LINGO2: variants seen among roughly 807,000 people sequenced by gnomAD.
LINGO2 encodes leucine-rich repeat and immunoglobulin-like domain-containing nogo receptor-interacting protein 2.
LINGO2 carries 14 observed loss-of-function variants against 30.6 expected under a neutral mutation model. The ratio of observed to expected loss-of-function variants is 0.46; its 90% CI spans 0.30 to 0.72. The LOEUF (loss-of-function observed/expected upper bound fraction) is 0.72, where lower values mean the gene tolerates loss of function less well. LINGO2 is among the 30% of genes least tolerant of loss of function. The probability of loss-of-function intolerance (pLI) is 0.07; values close to 1 mark genes in which losing one functional copy is unlikely to be tolerated. For synonymous variants in LINGO2, 317 were observed against 288.5 expected (o/e 1.10, Z -1.00); for missense variants, 729 against 751.7 (o/e 0.97, Z 0.35).
At chr9:28,089,353 A>G (rs1826007501) in intron 4 of LINGO2, among the ~76,000 whole-genome samples, 1 of 152,222 alleles carries the variant, frequency 6.6e-6, no homozygotes, top group African/African-American at 2.4e-5. Context: ...AATAGAAATT[A>G]TAACAAACTG....
chr9:28,830,241 G>A, the LINGO2 span, among the ~76,000 whole-genome samples: 1 of 152,136 alleles, frequency 6.6e-6, no homozygotes, highest in South Asian at 2.1e-4. Flanking sequence ...TGGGCTGATG[G>A]AAAGACTGGG....
intron 3 of LINGO2, among the ~76,000 whole-genome samples, chr9:28,368,044 C>T (rs1184039730): frequency 1.3e-5 from 2 of 151,900 alleles, no homozygotes; most frequent in Non-Finnish European, 2.9e-5. Flanking sequence ...GTACATCTAC[C>T]TCTATCTCTG....
the LINGO2 span, among the ~76,000 whole-genome samples, chr9:29,110,630 G>C: frequency 6.6e-6 from 1 of 151,548 alleles, no homozygotes; most frequent in Non-Finnish European, 1.5e-5. Context: ...CACCGCGCCC[G>C]GCCACAGCTA....
chr9:28,673,098 A>G (rs1829084095), upstream of LINGO2, among the ~76,000 whole-genome samples: 1 of 152,144 alleles, frequency 6.6e-6, no homozygotes, highest in Admixed American at 6.6e-5. Flanking sequence ...TTTGTAGGGT[A>G]TTTTTTAAAG....
the LINGO2 span, among the ~76,000 whole-genome samples, chr9:29,050,183 G>T: frequency 6.6e-6 from 1 of 151,968 alleles, no homozygotes; most frequent in African/African-American, 2.4e-5. Flanking sequence ...GCACCACCAG[G>T]TCTGGCTAAC....
chr9:28,771,479 G>A, the LINGO2 span, among the ~76,000 whole-genome samples: 11 of 132,918 alleles, frequency 8.3e-5, no homozygotes, highest in Non-Finnish European at 1.2e-4. Flanking sequence ...GTGTGTGTGT[G>A]TGTGTGTGTG....
At chr9:28,629,185 T>G (rs944144172) in intron 1 of LINGO2, among the ~76,000 whole-genome samples, 3 of 152,010 alleles carry the variant, frequency 2.0e-5, no homozygotes, top group Admixed American at 2.0e-4. Flanking sequence ...GAAACCAAGC[T>G]GATACAGGAG....
the LINGO2 span, among the ~76,000 whole-genome samples, chr9:28,801,060 T>A: frequency 6.6e-6 from 1 of 152,096 alleles, no homozygotes; most frequent in African/African-American, 2.4e-5. Context: ...CTAATTACAG[T>A]GGTCCAGTTC....
intron 1 of LINGO2, among the ~76,000 whole-genome samples, chr9:28,558,653 A>C (rs1822879147): frequency 6.6e-6 from 1 of 152,086 alleles, no homozygotes; most frequent in Non-Finnish European, 1.5e-5. Flanking sequence ...CTGGTGGGAC[A>C]AATCTTAAAT....
At chr9:27,949,970 A>G in exon 6 of LINGO2, 3 of 1,614,158 alleles carry the variant, frequency 1.9e-6, no homozygotes, top group Non-Finnish European at 2.5e-6. Flanking sequence ...GTAAAGGCCA[A>G]TAGTCAATCT....
the LINGO2 span, among the ~76,000 whole-genome samples, chr9:28,928,921 A>G: frequency 6.6e-6 from 1 of 152,156 alleles, no homozygotes; most frequent in African/African-American, 2.4e-5. Flanking sequence ...TGGTACCAAG[A>G]GAAGACTGCA....
intron 4 of LINGO2, among the ~76,000 whole-genome samples, chr9:28,014,922 T>G (rs1822750850): frequency 6.6e-6 from 1 of 152,178 alleles, no homozygotes. Context: ...TTCCATCAAA[T>G]TATTACATGA....
chr9:28,768,181 T>C, the LINGO2 span, among the ~76,000 whole-genome samples: 1 of 152,226 alleles, frequency 6.6e-6, no homozygotes, highest in South Asian at 2.1e-4. Flanking sequence ...AAATGCTTGA[T>C]GTTTTCTCGT....
At chr9:29,053,986 A>T in the LINGO2 span, among the ~76,000 whole-genome samples, 1 of 152,080 alleles carries the variant, frequency 6.6e-6, no homozygotes, top group Non-Finnish European at 1.5e-5. Context: ...ATTTATAAAT[A>T]TTAACTTAAT....
intron 1 of LINGO2, among the ~76,000 whole-genome samples, chr9:28,498,758 A>G (rs1819763425): frequency 6.6e-6 from 1 of 152,052 alleles, no homozygotes; most frequent in African/African-American, 2.4e-5. Flanking sequence ...TCATGCTGGG[A>G]GCTGTAGACT....
At chr9:28,475,386 C>G (rs1193260760) in intron 2 of LINGO2, among the ~76,000 whole-genome samples, 2 of 152,068 alleles carry the variant, frequency 1.3e-5, no homozygotes, top group Non-Finnish European at 2.9e-5. Flanking sequence ...CACAAAATAA[C>G]TGTCTCAGGG....
intron 3 of LINGO2, among the ~76,000 whole-genome samples, chr9:28,360,698 GTATTCCTTTTAACATTCCTTTAACCA>G (rs999532750): frequency 6.6e-6 from 1 of 152,060 alleles, no homozygotes; most frequent in African/African-American, 2.4e-5. Flanking sequence ...ATGTTTAATT[GTATTCCTTTTAACATTCCTTTAACCA>G]TATTCCTTTT....
chr9:28,374,760 G>A (rs1360091128), intron 2 of LINGO2, among the ~76,000 whole-genome samples: 6 of 151,912 alleles, frequency 3.9e-5, no homozygotes, highest in Admixed American at 6.6e-5. Flanking sequence ...ATTTTACTCC[G>A]CTTTCACAAA....
At chr9:28,642,758 A>G (rs964594594) in intron 1 of LINGO2, among the ~76,000 whole-genome samples, 15 of 152,150 alleles carry the variant, frequency 9.9e-5, no homozygotes, top group African/African-American at 2.9e-4. Context: ...AGAGAAATCA[A>G]TCTGGCATAT....
Sources: gnomAD v4.1 joint callset for allele counts (sites outside exome capture counted in the v4.1 genomes callset) on GRCh38, gnomAD v4.1.1 for gene constraint, MANE v1.5 for transcripts, NCBI Gene and HGNC (gene_info 2026-07-23, HGNC 2026-07-21) for gene names.